Variants in RORA observed in about 807,000 individuals in gnomAD.
The protein encoded by RORA is RAR related orphan receptor A.
A neutral mutation model predicts 69.5 loss-of-function variants in RORA; 7 were observed. The ratio of observed to expected loss-of-function variants is 0.10; its 90% confidence interval spans 0.06 to 0.19. The LOEUF is 0.19. Ranked by LOEUF, RORA falls within the 10% of genes least tolerant of loss-of-function variation. RORA has a pLI of 1.00. For missense variants in RORA, 457 were observed against 663.0 expected, an observed-to-expected ratio of 0.69 and a Z score of 3.41; for synonymous variants, 261 against 240.8, an observed-to-expected ratio of 1.08 and a Z score of -0.78.
chr15:61,113,427 G>A (rs764113030), intron 1 of RORA, among the ~76,000 whole-genome samples: 16 of 152,074 alleles, frequency 1.1e-4, no homozygotes, highest in Non-Finnish European at 1.2e-4. Context: ...AAATCATATG[G>A]GAGCTTCTTT....
At chr15:60,597,597 C>CATATATATATATATATATATACATATAT (rs1567115498) in intron 2 of RORA, among the ~76,000 whole-genome samples, 5 of 31,348 alleles carry the variant, frequency 1.6e-4, no homozygotes, top group Non-Finnish European at 2.3e-4. Flanking sequence ...TATATATACA[C>CATATATATATATATATATATACATATAT]ATATATATAT....
chr15:60,943,493 T>C (rs1009867653), intron 1 of RORA, among the ~76,000 whole-genome samples: 1 of 152,206 alleles, frequency 6.6e-6, no homozygotes, highest in Non-Finnish European at 1.5e-5. Context: ...AATGTGAAGG[T>C]TCAGCCACTG....
At chr15:60,816,681 A>G (rs1197603918) in intron 1 of RORA, among the ~76,000 whole-genome samples, 1 of 150,686 alleles carries the variant, frequency 6.6e-6, no homozygotes, top group Non-Finnish European at 1.5e-5. Flanking sequence ...ACATGTATAC[A>G]TATGTAACAA....
Position 60,584,279 on chromosome 15 carries a change from C to CATGT in RORA, c.197-52429_197-52428insACAT, listed in dbSNP as rs1174536203. ...TCTCTGGAGTATGGGTTCTACTCTA[C>CATGT]AGTTTCAGAACCACTGTTTCAGGCA... On this transcript the variant is annotated intron_variant, in intron 2 of 10. Coordinates refer to ENST00000335670, the MANE Select transcript of RORA (RefSeq NM_134261.3). Among the ~76,000 whole-genome samples the CATGT allele has an allele frequency of 4.6e-5, 7 of 152,228 alleles. No individual in the cohort carries two copies. The South Asian group carries it at 8.3e-4, about 18-fold the overall frequency.
chr15:60,882,350 G>A (rs1325037844), intron 1 of RORA, among the ~76,000 whole-genome samples: 2 of 152,174 alleles, frequency 1.3e-5, no homozygotes, highest in African/African-American at 2.4e-5. Flanking sequence ...GGTCAGGGAT[G>A]TTGCTAAAAA....
intron 4 of RORA, among the ~76,000 whole-genome samples, chr15:60,513,244 T>G (rs1368408972): frequency 6.6e-6 from 1 of 152,236 alleles, no homozygotes; most frequent in Non-Finnish European, 1.5e-5. Flanking sequence ...TGATGTGGGA[T>G]CTGAATTTCA....
At chr15:61,158,889 T>C (rs2079469473) in intron 1 of RORA, among the ~76,000 whole-genome samples, 1 of 152,144 alleles carries the variant, frequency 6.6e-6, no homozygotes, top group Admixed American at 6.5e-5. Flanking sequence ...GAAAAGTACA[T>C]TGGGAATATT....
intron 1 of RORA, among the ~76,000 whole-genome samples, chr15:60,908,887 T>A (rs1243324370): frequency 3.9e-5 from 6 of 152,142 alleles, no homozygotes; most frequent in South Asian, 2.1e-4. Flanking sequence ...ATTTTTTTTT[T>A]TTATTAAAGA....
At chr15:61,200,931 G>T (rs1383133591) in intron 1 of RORA, among the ~76,000 whole-genome samples, 1 of 152,186 alleles carries the variant, frequency 6.6e-6, no homozygotes, top group East Asian at 1.9e-4. Context: ...AAAAAAAAAT[G>T]CAAAGTGTGT....
At chr15:60,613,696 C>G (rs1350157567) in intron 2 of RORA, among the ~76,000 whole-genome samples, 4 of 125,324 alleles carry the variant, frequency 3.2e-5, no homozygotes, top group South Asian at 2.8e-4. Context: ...AATTTGATAT[C>G]TGTGTGTGTG....
intron 1 of RORA, among the ~76,000 whole-genome samples, chr15:61,084,825 C>CTTT (rs34566111): frequency 1.4e-5 from 2 of 138,764 alleles, no homozygotes; most frequent in Non-Finnish European, 1.6e-5. Context: ...TCTACCCATC[C>CTTT]TTTTTTTTTT....
chr15:60,688,210 AC>A (rs2070774464), intron 1 of RORA, among the ~76,000 whole-genome samples: 1 of 152,146 alleles, frequency 6.6e-6, no homozygotes, highest in East Asian at 1.9e-4. Flanking sequence ...ATTATGAGAA[AC>A]AAAAAAATTC....
Position 61,160,607 on chromosome 15 carries a change from G to T in RORA, c.166+68446C>A, listed in dbSNP as rs532245807. On this transcript the variant is annotated intron_variant, in intron 1 of 10. Transcript: ENST00000335670. ...GAGAACCTGATGCTTGCCCATAGCTGGTGCTCAGTGCCTGCTTGATGAAGA... is the reference window on the plus strand; with the variant it reads ...GAGAACCTGATGCTTGCCCATAGCTTGTGCTCAGTGCCTGCTTGATGAAGA... Among the ~76,000 whole-genome samples, 3 of 152,224 alleles carry T rather than the reference G, an allele frequency of 2.0e-5. No homozygotes were observed. In the East Asian group the frequency reaches 5.8e-4, roughly 29 times the overall value.
chr15:60,509,950 C>A (rs1317879016), intron 5 of RORA, among the ~76,000 whole-genome samples: 1 of 152,116 alleles, frequency 6.6e-6, no homozygotes, highest in Non-Finnish European at 1.5e-5. Context: ...TAAATTTAGA[C>A]CCATAAAGAG....
At chr15:60,751,797 G>C (rs2071727045) in intron 1 of RORA, among the ~76,000 whole-genome samples, 1 of 152,138 alleles carries the variant, frequency 6.6e-6, no homozygotes, top group African/African-American at 2.4e-5. Context: ...TGCCCAGGGA[G>C]GAGGAACAGA....
chr15:60,908,342 A>G (rs1369856879), intron 1 of RORA, among the ~76,000 whole-genome samples: 1 of 152,210 alleles, frequency 6.6e-6, no homozygotes, highest in African/African-American at 2.4e-5. Context: ...AGAGAAACAA[A>G]AAATACTAAT....
intron 1 of RORA, among the ~76,000 whole-genome samples, chr15:60,710,192 T>C (rs947882362): frequency 1.3e-5 from 2 of 152,192 alleles, no homozygotes; most frequent in African/African-American, 2.4e-5. Context: ...TTTCTCCTTA[T>C]GTTAAAAATT....
At position 60,537,838 on chromosome 15, in the gene RORA, A is replaced by G. The variant is rs1390624910; in HGVS notation, c.197-5987T>C. Among the ~76,000 whole-genome samples, 1 of 152,224 alleles carries G rather than the reference A, an allele frequency of 6.6e-6. No individual in the cohort carries two copies. The highest frequency in any genetic ancestry group is 2.4e-5 in the African/African-American group (1 of 41,458). Reference sequence around the variant, plus strand: ...ATCCTTGCTGAACCTCACCAAAACAATTAGATCTCCAAATAGAAAGCCCTA... The same window carrying G: ...ATCCTTGCTGAACCTCACCAAAACAGTTAGATCTCCAAATAGAAAGCCCTA... On this transcript the variant is annotated intron_variant, in intron 2 of 10. Coordinates refer to ENST00000335670, the MANE Select transcript of RORA (RefSeq NM_134261.3). This position sits in a 1 kb window ranked among gnomAD's most constrained non-coding sequence, Gnocchi z 4.9.
At chr15:60,513,487 A>C (rs1226859442) in intron 4 of RORA, among the ~76,000 whole-genome samples, 1 of 152,230 alleles carries the variant, frequency 6.6e-6, no homozygotes, top group Non-Finnish European at 1.5e-5. Flanking sequence ...CCTGTAAGTG[A>C]AATAAAGGGA....
Sources: gnomAD v4.1 joint callset for allele counts (sites outside exome capture counted in the v4.1 genomes callset) on GRCh38, gnomAD v4.1.1 for gene constraint, Gnocchi (gnomAD v3.1) non-coding constraint, MANE v1.5 for transcripts, NCBI Gene and HGNC (gene_info 2026-07-23, HGNC 2026-07-21) for gene names.